Variants in CASP9 observed in about 807,000 individuals in gnomAD.
CASP9 encodes caspase-9.
CASP9 carries 29 observed loss-of-function variants against 43.5 expected under a neutral mutation model. That is an observed-to-expected ratio of 0.67 (90% CI 0.50 to 0.91). The LOEUF (loss-of-function observed/expected upper bound fraction) is 0.91, where lower values mean the gene tolerates loss of function less well. Ranked by LOEUF, CASP9 falls within the 40% of genes least tolerant of loss-of-function variation. The pLI is 0.00. For missense variants in CASP9, 575 were observed against 537.4 expected (o/e 1.07, Z -0.69); for synonymous variants, 206 against 211.9 (o/e 0.97, Z 0.24).
intron 2 of CASP9, among the ~76,000 whole-genome samples, chr1:15,514,627 G>C (rs180812513): frequency 6.6e-6 from 1 of 152,290 alleles, no homozygotes; most frequent in African/African-American, 2.4e-5. Context: ...TGACAGACGG[G>C]CTTGCCATGT....
Position 15,518,394 on chromosome 1 carries a change from C to T in CASP9, c.134G>A (p.Arg45Gln), listed in dbSNP as rs373471214. The stretch of plus-strand genomic sequence containing the variant: ...ATCCCGCCGAGATCCAGAGCCTGCC[C>T]GCTGTTTGGAAAGAAAGGCAGGATA... Reference protein sequence around the residue: ...FRPHMIEDIQRAGSGSRRDQA... With the variant: ...FRPHMIEDIQQAGSGSRRDQA... Residue 45 changes from arginine to glutamine, a missense_variant and splice_region_variant, in exon 2 of 9, where the codon CGG becomes CAG. Physicochemically the swap from Arg to Gln is conservative, Grantham distance 43 (BLOSUM62 1). Coordinates refer to ENST00000333868, the MANE Select transcript of CASP9 (RefSeq NM_001229.5). The T allele has an allele frequency of 3.0e-5, 49 of 1,608,038 alleles. No individual in the cohort carries two copies. The Middle Eastern group carries it at 1.7e-3, about 54-fold the overall frequency.
chr1:15,505,734 G>A (rs1800616), intron 5 of CASP9, among the ~76,000 whole-genome samples: 41,691 of 152,030 alleles, frequency 0.27, 6,521 homozygotes, highest in African/African-American at 0.42. Flanking sequence ...CAGGAGCTTC[G>A]TGAGCAGACC....
upstream of CASP9, chr1:15,524,467 C>G (rs1710367020): frequency 2.6e-5 from 25 of 977,732 alleles, no homozygotes; most frequent in Middle Eastern, 3.9e-4. Flanking sequence ...CCGCGCCGCC[C>G]CAGAACACGC....
At chr1:15,500,689 G>A (rs1030843387) in intron 6 of CASP9, among the ~76,000 whole-genome samples, 8 of 152,154 alleles carry the variant, frequency 5.3e-5, no homozygotes, top group Non-Finnish European at 1.2e-4. Context: ...TAGAGACTCC[G>A]GAATCTGCCC....
At position 15,491,435 on chromosome 1, in the gene CASP9, G is replaced by C; in HGVS notation, c.*1508C>G. The C allele has an allele frequency of 4.4e-6, 6 of 1,369,080 alleles. No individual in the cohort carries two copies. The allele number at this position is 1,369,080 out of a possible 1,614,324, so 84.8% of individuals were successfully genotyped here. ...GGGTTTTATTATTATTATTAATTCA[G>C]AAATCCATCCTAACATCCAGGGCCC... On this transcript the variant is annotated 3_prime_UTR_variant, in exon 9 of 9. Transcript: ENST00000333868.
intron 7 of CASP9, among the ~76,000 whole-genome samples, chr1:15,494,980 CCT>C (rs1709048997): frequency 1.3e-5 from 2 of 152,054 alleles, no homozygotes; most frequent in Admixed American, 6.6e-5. Context: ...CATGGAAACC[CCT>C]GAGGCACGAT....
intron 1 of CASP9, among the ~76,000 whole-genome samples, chr1:15,523,736 C>T (rs1481182427): frequency 6.6e-6 from 1 of 152,110 alleles, no homozygotes; most frequent in African/African-American, 2.4e-5. Flanking sequence ...TCCACATTTT[C>T]CCAATAAATA....
At position 15,492,885 on chromosome 1, in the gene CASP9, A is replaced by T; in HGVS notation, c.*58T>A. 6.2e-7 allele frequency: 1 copy of T among 1,601,964 alleles called. No individual in the cohort carries two copies. The highest frequency in any genetic ancestry group is 1.7e-4 in the Middle Eastern group (1 of 5,940). On this transcript the variant is annotated 3_prime_UTR_variant, in exon 9 of 9. Transcript: ENST00000333868. ...GAAAGTCCAGGCCTCAGCCTCTTTC[A>T]GGCCTGGGGCAGGAAAGCTTTGGGG...
At chr1:15,496,897 C>G in intron 6 of CASP9, among the ~76,000 whole-genome samples, 1 of 151,318 alleles carries the variant, frequency 6.6e-6, no homozygotes, top group South Asian at 2.1e-4. Flanking sequence ...TGCCTGTGGT[C>G]CCAGCTACTC....
At chr1:15,516,646 G>T (rs1430575777) in intron 2 of CASP9, among the ~76,000 whole-genome samples, 5 of 152,248 alleles carry the variant, frequency 3.3e-5, no homozygotes, top group African/African-American at 1.2e-4. Context: ...TGGCTAAAAT[G>T]ACATATTTTT....
chr1:15,493,746 GCC>G (rs1708982871), intron 8 of CASP9, 144 bp downstream of exon 8: 5 of 1,519,986 alleles, frequency 3.3e-6, no homozygotes, highest in Non-Finnish European at 4.4e-6. Flanking sequence ...ACACAAAAGT[GCC>G]GACTCCAAGG....
chr1:15,491,501 T>A lies in CASP9; in HGVS notation c.*1442A>T. On this transcript the variant is annotated 3_prime_UTR_variant, in exon 9 of 9. Coordinates refer to ENST00000333868, the MANE Select transcript of CASP9 (RefSeq NM_001229.5). ...GGTCAGGCGCAATGGCTCAAGCCTG[T>A]AACCCCTGCACTTTGGGAGGCTAAG... The A allele has an allele frequency of 1.4e-6, 1 of 717,906 alleles. No individual in the cohort carries two copies. Among genetic ancestry groups the A allele is most frequent in the Non-Finnish European group, 2.3e-6 (1 of 443,032 alleles). 44.5% of individuals were successfully genotyped at this position (717,906 alleles called of 1,614,324 possible). A position where few individuals can be genotyped will look rare whatever the true frequency, so the allele number is the denominator to read the frequency against.
chr1:15,514,260 C>T (rs529883775), intron 2 of CASP9, among the ~76,000 whole-genome samples: 15 of 152,116 alleles, frequency 9.9e-5, no homozygotes, highest in African/African-American at 1.4e-4. Context: ...CCTTGGAGGT[C>T]GGGGAAAAAT....
Position 15,491,527 on chromosome 1 carries a change from G to A in CASP9, c.*1416C>T. The A allele has an allele frequency of 1.7e-6, 1 of 574,734 alleles. No individual in the cohort carries two copies. The highest frequency in any genetic ancestry group is 2.1e-5 in the South Asian group (1 of 47,488). The allele number at this position is 574,734 out of a possible 1,614,324, so 35.6% of individuals were successfully genotyped here. A position where few individuals can be genotyped will look rare whatever the true frequency, so the allele number is the denominator to read the frequency against. ...AACCCCTGCACTTTGGGAGGCTAAG[G>A]CAGGCTGATCGCTTGAGTCCAGGAG... On this transcript the variant is annotated 3_prime_UTR_variant, in exon 9 of 9. Transcript: ENST00000333868.
chr1:15,508,336 T>C (rs547096303), intron 2 of CASP9, among the ~76,000 whole-genome samples: 2 of 152,352 alleles, frequency 1.3e-5, no homozygotes, highest in South Asian at 2.1e-4. Context: ...TTTAGGCAGA[T>C]AGTGAGGGTA....
At chr1:15,508,975 C>T (rs974813393) in intron 2 of CASP9, among the ~76,000 whole-genome samples, 11 of 152,190 alleles carry the variant, frequency 7.2e-5, no homozygotes, top group Non-Finnish European at 1.5e-4. Flanking sequence ...GCCAGCTTTT[C>T]GCACCACATG....
intron 6 of CASP9, among the ~76,000 whole-genome samples, chr1:15,502,446 C>A (rs1277622758): frequency 6.6e-6 from 1 of 152,028 alleles, no homozygotes; most frequent in Admixed American, 6.6e-5. Context: ...TATAGTGAGA[C>A]CCCCATCTCT....
At chr1:15,518,416 G>T in intron 1 of CASP9, 21 bp from the exon 2 acceptor site, 1 of 1,603,680 alleles carries the variant, frequency 6.2e-7, no homozygotes, top group Non-Finnish European at 8.5e-7. Flanking sequence ...AGAAAGGCAG[G>T]ATACTAATTA....
chr1:15,492,228 GAAGA>G lies in CASP9; in HGVS notation c.*711_*714del, dbSNP rs1708918740. The G allele has an allele frequency of 6.6e-6, 1 of 152,296 alleles. No individual in the cohort carries two copies. The highest frequency in any genetic ancestry group is 2.1e-4 in the South Asian group (1 of 4,822). 9.4% of individuals were successfully genotyped at this position (152,296 alleles called of 1,614,324 possible). ...AAGCAAAAGTCTCTTTTGTAAGGAAGAAGAAAGAGTTGGAGCAAAATGAGGGAAG... is the reference window on the plus strand; with the variant it reads ...AAGCAAAAGTCTCTTTTGTAAGGAAGAAGAGTTGGAGCAAAATGAGGGAAG... On this transcript the variant is annotated 3_prime_UTR_variant, in exon 9 of 9. Coordinates refer to ENST00000333868, the MANE Select transcript of CASP9 (RefSeq NM_001229.5).
Sources: allele counts gnomAD v4.1 joint callset (sites outside exome capture counted in the v4.1 genomes callset), GRCh38; gene constraint gnomAD v4.1.1; transcripts MANE v1.5; gene names NCBI Gene and HGNC (gene_info 2026-07-23, HGNC 2026-07-21).